The following DYSF variants were observed in gnomAD, a reference collection of about 807,000 sequenced individuals.
DYSF encodes the protein dystrophy-associated fer-1-like 1.
In DYSF, 212 loss-of-function variants were observed where a neutral mutation model predicts 274.9. That is an observed-to-expected ratio of 0.77 (90% CI 0.69 to 0.86). The LOEUF is 0.86. Ranked by LOEUF, DYSF falls within the 40% of genes least tolerant of loss-of-function variation. The pLI is 0.00. For missense variants in DYSF, 2,666 were observed against 2,783.2 expected (o/e 0.96, Z 0.95); for synonymous variants, 1,091 against 1,078.7 (o/e 1.01, Z -0.22).
intron 5 of DYSF, among the ~76,000 whole-genome samples, chr2:71,512,150 G>A (rs911762353): frequency 2.6e-5 from 4 of 152,246 alleles, no homozygotes; most frequent in Non-Finnish European, 5.9e-5. Flanking sequence ...GGCGGTGCAG[G>A]GAGTAATGTG....
intron 30 of DYSF, among the ~76,000 whole-genome samples, chr2:71,581,259 G>C (rs1356510741): frequency 6.6e-6 from 1 of 152,216 alleles, no homozygotes; most frequent in African/African-American, 2.4e-5. Context: ...GATTCTCCAG[G>C]TTTCCTGATT....
intron 29 of DYSF, among the ~76,000 whole-genome samples, chr2:71,572,861 G>T (rs923478315): frequency 6.6e-6 from 1 of 152,214 alleles, no homozygotes; most frequent in Non-Finnish European, 1.5e-5. Flanking sequence ...GCTGGTGAGG[G>T]GGCTGGGGTG....
chr2:71,619,184 A>G (rs912605244), intron 40 of DYSF, among the ~76,000 whole-genome samples: 1 of 152,080 alleles, frequency 6.6e-6, no homozygotes, highest in African/African-American at 2.4e-5. Flanking sequence ...TGTGGGGTTC[A>G]GGATGCAAAT....
At chr2:71,540,454 C>G (rs1330986608) in intron 17 of DYSF, among the ~76,000 whole-genome samples, 1 of 151,994 alleles carries the variant, frequency 6.6e-6, no homozygotes. Context: ...TCAAAATTGC[C>G]CTTCAAAAAG....
intron 10 of DYSF, among the ~76,000 whole-genome samples, chr2:71,519,285 C>G (rs1158964122): frequency 6.6e-6 from 1 of 151,956 alleles, no homozygotes; most frequent in African/African-American, 2.4e-5. Flanking sequence ...CCAAGTCATT[C>G]TGTAACAAAT....
chr2:71,582,635 T>C (rs1432107810), intron 30 of DYSF, among the ~76,000 whole-genome samples: 1 of 152,110 alleles, frequency 6.6e-6, no homozygotes, highest in Non-Finnish European at 1.5e-5. Context: ...ACTGTGCTGG[T>C]CAATGTTTAA....
In DYSF at chr2:71,553,199, G is replaced by A. The variant is rs1469053719; in HGVS notation, c.1984+11G>A. ...GTGCAGTCTTTGACGGTGAGGCAGT[G>A]CTCCTGGCTGGGACCCCGATCACAG... On this transcript the variant is annotated intron_variant, in intron 20 of 55. Coordinates refer to ENST00000410020, the MANE Select transcript of DYSF (RefSeq NM_001130987.2). 3 of 1,613,924 alleles carry A rather than the reference G, an allele frequency of 1.9e-6. No individual in the cohort carries two copies. Among genetic ancestry groups the A allele is most frequent in the Non-Finnish European group, 8.5e-7 (1 of 1,180,024 alleles).
rs960340592 is a variant in DYSF, at chr2:71,570,622, C to A, written c.3109C>A (p.Pro1037Thr). The change falls in exon 29 of 56, where the codon CCC (proline) becomes ACC (threonine). Residue 1037 changes from proline (P) to threonine (T), a missense_variant. By Grantham distance (38) the Pro-to-Thr change is conservative. This residue lies in a region of DYSF where 1,460 missense variants were observed against 1,502.1 expected (regional missense o/e 0.97). Coordinates refer to ENST00000410020, the MANE Select transcript of DYSF (RefSeq NM_001130987.2). ...EQGWEYSITI[P>T]PERKPKHWVP... ...AGGCTGGGAGTATAGCATCACCATC[C>A]CCCCGGAGCGGAAGCCGAAGCACTG... The A allele has an allele frequency of 6.2e-7, 1 of 1,613,936 alleles. No homozygotes were observed. Among genetic ancestry groups the A allele is most frequent in the African/African-American group, 1.3e-5 (1 of 74,922 alleles).
At chr2:71,503,834 A>G (rs2085223894) in intron 4 of DYSF, among the ~76,000 whole-genome samples, 1 of 152,124 alleles carries the variant, frequency 6.6e-6, no homozygotes, top group Admixed American at 6.5e-5. Context: ...TGCTCCCCCC[A>G]AGTCCAATCA....
intron 41 of DYSF, among the ~76,000 whole-genome samples, chr2:71,642,997 C>T (rs2094509997): frequency 6.6e-6 from 1 of 152,186 alleles, no homozygotes; most frequent in African/African-American, 2.4e-5. Context: ...GTGTCCTTGG[C>T]CCTTCCCACT....
intron 40 of DYSF, among the ~76,000 whole-genome samples, chr2:71,617,990 A>ATGTGT (rs2093947202): frequency 6.9e-5 from 1 of 14,484 alleles, no homozygotes; most frequent in Non-Finnish European, 1.4e-4. Context: ...GGTAGAGGTG[A>ATGTGT]GGTATATGTG....
chr2:71,541,391 A>G (rs1029968185), intron 17 of DYSF, among the ~76,000 whole-genome samples: 3 of 152,178 alleles, frequency 2.0e-5, no homozygotes, highest in Admixed American at 2.0e-4. Context: ...AAAAGCATCC[A>G]TTACGTTGAG....
At chr2:71,605,116 C>T (rs2093622408) in intron 36 of DYSF, among the ~76,000 whole-genome samples, 1 of 152,176 alleles carries the variant, frequency 6.6e-6, no homozygotes, top group Admixed American at 6.5e-5. Context: ...TTCCTTTTCG[C>T]TCTCCGGTCT....
chr2:71,674,788 G>T (rs2095192461), intron 52 of DYSF, among the ~76,000 whole-genome samples: 1 of 152,184 alleles, frequency 6.6e-6, no homozygotes, highest in East Asian at 1.9e-4. Flanking sequence ...GGAGCAGGGA[G>T]GCTGGGTTGA....
Position 71,570,270 on chromosome 2 carries a change from A to C in DYSF, c.3021A>C (p.Pro1007=), listed in dbSNP as rs767310734. ...TTCCCAAGGATGACATTGAGTGCCC[A>C]CTGGGCTGGAAGTGGGAAGATGAGG... The part of the protein sequence containing the change: ...KVLPKDDIEC[P]LGWKWEDEEW... Residue 1007 remains proline (P), a synonymous_variant, in exon 28 of 56, where the codon CCA becomes CCC. Coordinates refer to ENST00000410020, the MANE Select transcript of DYSF (RefSeq NM_001130987.2). 4 of 1,614,136 alleles carry C rather than the reference A, an allele frequency of 2.5e-6. No homozygotes were observed. The highest frequency in any genetic ancestry group is 2.2e-5 in the South Asian group (2 of 91,080).
rs191689138 is a variant in DYSF, at chr2:71,586,564, A to G, written c.3403-3029A>G. ...GGGCCAGGGACTCAGTGAGGTCCAC[A>G]TGGAAATCCCAAGGAGGGAGATGCT... On this transcript the variant is annotated intron_variant, in intron 30 of 55. Coordinates refer to ENST00000410020, the MANE Select transcript of DYSF (RefSeq NM_001130987.2). Among the ~76,000 whole-genome samples the G allele has an allele frequency of 9.2e-5, 14 of 152,178 alleles. No individual in the cohort carries two copies. In the South Asian group the frequency reaches 1.7e-3, roughly 18 times the overall value.
chr2:71,495,742 C>T (rs1464857896), intron 3 of DYSF, among the ~76,000 whole-genome samples: 1 of 152,104 alleles, frequency 6.6e-6, no homozygotes, highest in Non-Finnish European at 1.5e-5. Context: ...TCCTGCACAC[C>T]CACATTCTTC....
chr2:71,685,675 C>T (rs1021639576), intron 55 of DYSF, among the ~76,000 whole-genome samples: 1 of 152,216 alleles, frequency 6.6e-6, no homozygotes, highest in African/African-American at 2.4e-5. Flanking sequence ...TTCCTCTCAG[C>T]TTCCCCCTCA....
intron 25 of DYSF, 24 bp from the exon 26 acceptor site, chr2:71,568,148 G>A (rs2092219082): frequency 3.7e-6 from 6 of 1,614,056 alleles, no homozygotes; most frequent in Admixed American, 1.7e-5. Flanking sequence ...CCCTGCTCAC[G>A]CCTCATTCTT....
Sources: gnomAD v4.1 joint callset for allele counts (sites outside exome capture counted in the v4.1 genomes callset) on GRCh38, gnomAD v4.1.1 for gene constraint, gnomAD v4.1.1 regional missense constraint, MANE v1.5 for transcripts, NCBI Gene and HGNC (gene_info 2026-07-23, HGNC 2026-07-21) for gene names.